Variants in ZBBX observed in about 807,000 individuals in gnomAD.
ZBBX encodes the protein zinc finger B-box domain-containing protein 1.
Under a neutral mutation model 108.5 loss-of-function variants are expected in ZBBX, and 101 were observed. That is an observed-to-expected ratio of 0.93 (90% confidence interval 0.79 to 1.10). ZBBX has a LOEUF of 1.10. Ranked by LOEUF, ZBBX falls within the 50% of genes least tolerant of loss-of-function variation. The pLI is 0.00. For missense variants in ZBBX, 1,009 were observed against 941.4 expected, an observed-to-expected ratio of 1.07 and a Z score of -0.94; for synonymous variants, 356 against 323.4, an observed-to-expected ratio of 1.10 and a Z score of -1.08.
At chr3:167,227,013 T>C in the ZBBX span, among the ~76,000 whole-genome samples, 1 of 151,798 alleles carries the variant, frequency 6.6e-6, no homozygotes, top group Non-Finnish European at 1.5e-5. Context: ...ATCCACAAAT[T>C]GCAGGAAGAT....
At chr3:167,278,320 T>C (rs1728070714) in intron 20 of ZBBX, among the ~76,000 whole-genome samples, 1 of 150,878 alleles carries the variant, frequency 6.6e-6, no homozygotes, top group Non-Finnish European at 1.5e-5. Context: ...AGCTGGTTTT[T>C]TGGAAGGATC....
chr3:167,311,348 T>C (rs1734561278), intron 16 of ZBBX, among the ~76,000 whole-genome samples: 1 of 152,020 alleles, frequency 6.6e-6, no homozygotes, highest in Non-Finnish European at 1.5e-5. Flanking sequence ...AAGCTATGAA[T>C]CTCTCAAAAG....
intron 1 of ZBBX, among the ~76,000 whole-genome samples, chr3:167,407,423 G>A (rs1266363416): frequency 6.6e-6 from 1 of 151,992 alleles, no homozygotes; most frequent in Non-Finnish European, 1.5e-5. Flanking sequence ...AGTACAGTTG[G>A]CCCTTGAACA....
chr3:167,321,608 C>G (rs575801297), intron 12 of ZBBX, among the ~76,000 whole-genome samples: 14 of 152,114 alleles, frequency 9.2e-5, no homozygotes, highest in African/African-American at 3.1e-4. Flanking sequence ...TACAGAATCT[C>G]AGGCCTCACT....
At chr3:167,335,078 G>T (rs115141409) in intron 9 of ZBBX, among the ~76,000 whole-genome samples, 1 of 151,908 alleles carries the variant, frequency 6.6e-6, no homozygotes, top group Admixed American at 6.6e-5. Context: ...AACTGTACAC[G>T]GTATTTACCC....
chr3:167,394,114 C>T (rs1748159954), intron 1 of ZBBX, among the ~76,000 whole-genome samples: 1 of 151,848 alleles, frequency 6.6e-6, no homozygotes, highest in Non-Finnish European at 1.5e-5. Flanking sequence ...TTACTTTTTA[C>T]ATAACTATAA....
chr3:167,197,863 A>C, the ZBBX span, among the ~76,000 whole-genome samples: 1 of 152,346 alleles, frequency 6.6e-6, no homozygotes, highest in South Asian at 2.1e-4. Flanking sequence ...TTGACATATA[A>C]GAACTACAGT....
chr3:167,244,308 G>A (rs1050118138), intron 20 of ZBBX, among the ~76,000 whole-genome samples: 1 of 152,108 alleles, frequency 6.6e-6, no homozygotes, highest in Non-Finnish European at 1.5e-5. Flanking sequence ...ACCTTTACAT[G>A]TCCTAATGAA....
intron 16 of ZBBX, among the ~76,000 whole-genome samples, chr3:167,306,997 T>C (rs569581402): frequency 6.6e-6 from 1 of 152,220 alleles, no homozygotes; most frequent in South Asian, 2.1e-4. Context: ...TTAGAACTAG[T>C]GGAAACAAGG....
upstream of ZBBX, chr3:167,380,528 T>C (rs1747634497): frequency 6.6e-6 from 1 of 152,304 alleles, no homozygotes; most frequent in South Asian, 2.1e-4. Context: ...TGAGCATGTG[T>C]CATATTCCAA....
chr3:167,299,667 ACTAC>A (rs1432400196), intron 17 of ZBBX, among the ~76,000 whole-genome samples: 21 of 152,202 alleles, frequency 1.4e-4, no homozygotes. Flanking sequence ...CGTAGGAAGT[ACTAC>A]CTTACACAGA....
intron 17 of ZBBX, 25 bp downstream of exon 17, chr3:167,305,618 T>C (rs777966683): frequency 1.1e-5 from 16 of 1,430,144 alleles, no homozygotes; most frequent in South Asian, 1.7e-5. Context: ...AAAATTTTAA[T>C]ATAATAAACA....
rs1273726029 is a variant in ZBBX, at chr3:167,258,479, T to C, written c.2255-15836A>G. On this transcript the variant is annotated intron_variant, in intron 20 of 21. Transcript: ENST00000675490. ...AGTGATAGTTTGCCTTCGTCTTTAC[T>C]GATTTGGATGCCCTTTGTTTCTTTC... Among the ~76,000 whole-genome samples the C allele has an allele frequency of 2.6e-5, 4 of 152,242 alleles. No individual in the cohort carries two copies. In the East Asian group the frequency reaches 7.7e-4, roughly 29 times the overall value.
At position 167,282,405 on chromosome 3, in the gene ZBBX, C is replaced by T. The variant is rs761965944; in HGVS notation, c.2087G>A (p.Arg696Gln). 1.2e-6 allele frequency: 2 copies of T among 1,613,964 alleles called. No homozygotes were observed. The highest frequency in any genetic ancestry group is 2.2e-5 in the South Asian group (2 of 91,066). The change falls in exon 20 of 22, where the codon CGA becomes CAA. Residue 696 changes from arginine to glutamine, a missense_variant. Transcript: ENST00000675490. ...SSSCLSSSHP[R>Q]SRSAAAQSSS... ...TGATTGAGCAGCTGCACTTCTTGAT[C>T]GAGGATGAGAGGATGAAAGGCAACT... is the stretch of plus-strand genomic sequence containing the variant.
the ZBBX span, among the ~76,000 whole-genome samples, chr3:167,185,280 T>C: frequency 6.6e-6 from 1 of 152,176 alleles, no homozygotes; most frequent in Non-Finnish European, 1.5e-5. Flanking sequence ...CAAGAAGCTA[T>C]GTATATAATT....
intron 10 of ZBBX, among the ~76,000 whole-genome samples, chr3:167,329,208 A>G (rs1737953062): frequency 6.6e-6 from 1 of 152,230 alleles, no homozygotes; most frequent in South Asian, 2.1e-4. Flanking sequence ...TGAATCAGAG[A>G]GAACAGCCAC....
chr3:167,378,376 C>T (rs1747294425), intron 2 of ZBBX, among the ~76,000 whole-genome samples: 1 of 152,120 alleles, frequency 6.6e-6, no homozygotes, highest in Non-Finnish European at 1.5e-5. Flanking sequence ...TTTTAAAATA[C>T]TTTTGATTAA....
chr3:167,314,429 T>C (rs1386133424), intron 15 of ZBBX, among the ~76,000 whole-genome samples: 1 of 152,180 alleles, frequency 6.6e-6, no homozygotes, highest in African/African-American at 2.4e-5. Context: ...GGGAGTGTTC[T>C]CTTTCAAGCT....
the ZBBX span, among the ~76,000 whole-genome samples, chr3:167,224,794 T>C: frequency 6.6e-6 from 1 of 151,918 alleles, no homozygotes; most frequent in African/African-American, 2.4e-5. Context: ...ATGGCAGTAC[T>C]ATCTCCCAAT....
Sources: allele counts gnomAD v4.1 joint callset (sites outside exome capture counted in the v4.1 genomes callset), GRCh38; gene constraint gnomAD v4.1.1; transcripts MANE v1.5; gene names NCBI Gene and HGNC (gene_info 2026-07-23, HGNC 2026-07-21).